GPD2: variants seen among roughly 807,000 people sequenced by gnomAD.
The protein encoded by GPD2 is glycerol-3-phosphate dehydrogenase, mitochondrial.
A neutral mutation model predicts 82.4 loss-of-function variants in GPD2; 54 were observed. That is an observed-to-expected ratio of 0.66 (90% CI 0.53 to 0.82). The LOEUF is 0.82. Ranked by LOEUF, GPD2 falls within the 40% of genes least tolerant of loss-of-function variation. The pLI, the probability that GPD2 is intolerant of heterozygous loss-of-function variation, is 0.00. For synonymous variants in GPD2, 288 were observed against 306.1 expected (o/e 0.94, Z 0.62); for missense variants, 748 against 896.2 (o/e 0.83, Z 2.11).
At chr2:156,521,783 G>A (rs941141129) in intron 6 of GPD2, among the ~76,000 whole-genome samples, 2 of 152,054 alleles carry the variant, frequency 1.3e-5, no homozygotes, top group Admixed American at 1.3e-4. Flanking sequence ...CTTCCTCTTA[G>A]ACATTGATTT....
At chr2:156,440,591 A>G (rs986305156) in intron 1 of GPD2, among the ~76,000 whole-genome samples, 3 of 152,116 alleles carry the variant, frequency 2.0e-5, no homozygotes, top group Non-Finnish European at 2.9e-5. Flanking sequence ...ATTTCTTTCT[A>G]TATCATATCG....
chr2:156,422,383 G>A, the GPD2 span, among the ~76,000 whole-genome samples: 1 of 152,106 alleles, frequency 6.6e-6, no homozygotes, highest in Non-Finnish European at 1.5e-5. Flanking sequence ...GTCTTTGTAG[G>A]TTGTTGAATA....
chr2:156,426,414 C>T, the GPD2 span, among the ~76,000 whole-genome samples: 2 of 152,196 alleles, frequency 1.3e-5, no homozygotes, highest in African/African-American at 4.8e-5. Flanking sequence ...CTCATGAGAG[C>T]TCACTCACTG....
At chr2:156,453,250 C>T (rs762961807) in intron 1 of GPD2, among the ~76,000 whole-genome samples, 6 of 151,912 alleles carry the variant, frequency 3.9e-5, no homozygotes, top group Non-Finnish European at 5.9e-5. Context: ...AAGAGAGGAG[C>T]AAGGGAGTTA....
intron 9 of GPD2, among the ~76,000 whole-genome samples, chr2:156,558,077 A>C (rs761184304): frequency 3.9e-5 from 6 of 152,214 alleles, no homozygotes; most frequent in Non-Finnish European, 4.4e-5. Context: ...TTTTAATGGA[A>C]AAAGCCAAAG....
intron 2 of GPD2, among the ~76,000 whole-genome samples, chr2:156,488,081 TC>T (rs1397406718): frequency 6.6e-6 from 1 of 152,192 alleles, no homozygotes; most frequent in Non-Finnish European, 1.5e-5. Flanking sequence ...AAGGATGGGC[TC>T]CTTTTTTTTT....
At chr2:156,411,488 GTAT>G in the GPD2 span, among the ~76,000 whole-genome samples, 1 of 151,848 alleles carries the variant, frequency 6.6e-6, no homozygotes, top group Non-Finnish European at 1.5e-5. Context: ...GCTAATTTTT[GTAT>G]TTTTAGTAGA....
At position 156,534,684 on chromosome 2, in the gene GPD2, G is replaced by A. The variant is rs547875320; in HGVS notation, c.662-14924G>A. 3.5e-3 allele frequency among the ~76,000 whole-genome samples: 529 copies of A among 152,240 alleles called. 3 individuals carry two copies. The highest frequency in any genetic ancestry group is 6.6e-3 in the Non-Finnish European group (452 of 68,020). Reference sequence around the variant, plus strand: ...CTTTCTAAGTAAGATAGTATTCTCAGTTGTTTTTTCACATGACTAGCATTT... The same window carrying A: ...CTTTCTAAGTAAGATAGTATTCTCAATTGTTTTTTCACATGACTAGCATTT... On this transcript the variant is annotated intron_variant, in intron 6 of 16. Coordinates refer to ENST00000438166, the MANE Select transcript of GPD2 (RefSeq NM_000408.5).
At position 156,505,573 on chromosome 2, in the gene GPD2, T is replaced by G. The variant is rs573085177; in HGVS notation, c.275-5223T>G. Among the ~76,000 whole-genome samples the G allele has an allele frequency of 5.9e-5, 9 of 152,312 alleles. No individual in the cohort carries two copies. The East Asian group carries it at 1.7e-3, about 29-fold the overall frequency. ...ACAAACTTACTATAAAATCTTGAAC[T>G]AATTTAGTGAATTACCTTCACTACA... is the stretch of plus-strand genomic sequence containing the variant. On this transcript the variant is annotated intron_variant, in intron 3 of 16. Transcript: ENST00000438166.
intron 6 of GPD2, among the ~76,000 whole-genome samples, chr2:156,514,224 A>G (rs370738541): frequency 2.0e-5 from 3 of 152,164 alleles, no homozygotes; most frequent in East Asian, 1.9e-4. Context: ...AAAACAACAT[A>G]AAACAAAACA....
At chr2:156,490,039 C>T (rs1328541992) in intron 2 of GPD2, among the ~76,000 whole-genome samples, 1 of 152,046 alleles carries the variant, frequency 6.6e-6, no homozygotes, top group African/African-American at 2.4e-5. Context: ...CCAGATCAAT[C>T]CTTCAATAAA....
In GPD2 at chr2:156,585,043, T is replaced by C. The variant is rs1280664315; in HGVS notation, c.*2125T>C. 6.6e-6 allele frequency: 1 copy of C among 152,014 alleles called. No homozygotes were observed. The highest frequency in any genetic ancestry group is 1.5e-5 in the Non-Finnish European group (1 of 67,944). 9.4% of individuals were successfully genotyped at this position (152,014 alleles called of 1,614,324 possible). On this transcript the variant is annotated 3_prime_UTR_variant, in exon 17 of 17. Coordinates refer to ENST00000438166, the MANE Select transcript of GPD2 (RefSeq NM_000408.5). ...ACAAAGAAAAGCACACTTTTCTTCT[T>C]TTGAGCATATCTGCTTTTACTTTAA...
chr2:156,449,744 C>T (rs1170336663), intron 1 of GPD2, among the ~76,000 whole-genome samples: 2 of 151,928 alleles, frequency 1.3e-5, no homozygotes, highest in Non-Finnish European at 2.9e-5. Context: ...GGCGTGGTGG[C>T]TTATGCCTGT....
intron 1 of GPD2, among the ~76,000 whole-genome samples, chr2:156,448,494 G>C (rs1682446778): frequency 6.6e-6 from 1 of 152,190 alleles, no homozygotes; most frequent in Non-Finnish European, 1.5e-5. Flanking sequence ...TTATGTTTTA[G>C]TGGGGAACAA....
chr2:156,508,029 ATAGT>A (rs1558933757), intron 3 of GPD2, among the ~76,000 whole-genome samples: 2 of 152,076 alleles, frequency 1.3e-5, no homozygotes, highest in African/African-American at 2.4e-5. Context: ...CATCTTGGCT[ATAGT>A]TAATCTTCAC....
chr2:156,426,268 T>C, the GPD2 span, among the ~76,000 whole-genome samples: 503 of 152,318 alleles, frequency 3.3e-3, 5 homozygotes, highest in African/African-American at 9.9e-3. Context: ...TGACTCACTG[T>C]TCAGCATGGC....
chr2:156,402,421 G>A, the GPD2 span, among the ~76,000 whole-genome samples: 55 of 152,284 alleles, frequency 3.6e-4, 3 homozygotes, highest in East Asian at 7.9e-3. Context: ...TAGGGAATTA[G>A]GGAATCAGAC....
At chr2:156,564,839 T>C (rs943559875) in intron 9 of GPD2, among the ~76,000 whole-genome samples, 11 of 152,152 alleles carry the variant, frequency 7.2e-5, no homozygotes, top group African/African-American at 2.7e-4. Flanking sequence ...GCTAAAAAGC[T>C]GAATCCTAAG....
chr2:156,538,784 G>A (rs1356110957), intron 6 of GPD2, among the ~76,000 whole-genome samples: 2 of 137,332 alleles, frequency 1.5e-5, no homozygotes, highest in Non-Finnish European at 3.0e-5. Context: ...TCACGCCACT[G>A]CACTGCAGCC....
Sources: gnomAD v4.1 joint callset for allele counts (sites outside exome capture counted in the v4.1 genomes callset) on GRCh38, gnomAD v4.1.1 for gene constraint, MANE v1.5 for transcripts, NCBI Gene and HGNC (gene_info 2026-07-23, HGNC 2026-07-21) for gene names.